DKK4: variants seen among roughly 807,000 people sequenced by gnomAD.
The protein encoded by DKK4 is dickkopf Wnt signaling pathway inhibitor 4, also known as dickkopf-related protein 4.
DKK4 carries 15 observed loss-of-function variants against 14.5 expected under a neutral mutation model. That is an observed-to-expected ratio of 1.03 (90% confidence interval 0.69 to 1.59). The LOEUF (loss-of-function observed/expected upper bound fraction) is 1.59, where lower values mean the gene tolerates loss of function less well. Among genes scored for constraint, DKK4 ranks in the 40% most tolerant of loss-of-function variants. DKK4 has a pLI of 0.00. For synonymous variants in DKK4, 89 were observed against 105.2 expected (o/e 0.85, Z 0.94); for missense variants, 272 against 280.3 (o/e 0.97, Z 0.21).
chr8:42,387,812 T>C, the DKK4 span, among the ~76,000 whole-genome samples: 1 of 152,216 alleles, frequency 6.6e-6, no homozygotes, highest in African/African-American at 2.4e-5. Context: ...CAGGTCTTTC[T>C]GGATTACCTG....
rs759892704 is a variant in DKK4, at chr8:42,377,047, C to T, written c.-2G>A. The T allele has an allele frequency of 6.2e-7, 1 of 1,612,070 alleles. No individual in the cohort carries two copies. The highest frequency in any genetic ancestry group is 1.1e-5 in the South Asian group (1 of 91,024). On this transcript the variant is annotated 5_prime_UTR_variant, in exon 1 of 4. Coordinates refer to ENST00000220812, the MANE Select transcript of DKK4 (RefSeq NM_014420.3). Reference sequence around the variant, plus strand: ...CCCCAGCAGGACGGCCGCCACCATCCTTCAATCCCGGGGCTCCTGGAGGGT... The same window carrying T: ...CCCCAGCAGGACGGCCGCCACCATCTTTCAATCCCGGGGCTCCTGGAGGGT...
chr8:42,390,164 G>C, the DKK4 span, among the ~76,000 whole-genome samples: 1 of 152,018 alleles, frequency 6.6e-6, no homozygotes, highest in Non-Finnish European at 1.5e-5. Flanking sequence ...AAAGTGCTAG[G>C]ATTACAGGCG....
chr8:42,390,864 G>A, the DKK4 span, among the ~76,000 whole-genome samples: 1 of 152,064 alleles, frequency 6.6e-6, no homozygotes, highest in Admixed American at 6.6e-5. Flanking sequence ...ACCATCCCCC[G>A]TTTGATCAGT....
At chr8:42,383,616 A>C in the DKK4 span, among the ~76,000 whole-genome samples, 2 of 152,336 alleles carry the variant, frequency 1.3e-5, no homozygotes, top group South Asian at 4.1e-4. Context: ...CTCCTTCCTC[A>C]AAGATAGGCT....
chr8:42,381,975 C>T (rs1427785111), upstream of DKK4, among the ~76,000 whole-genome samples: 5 of 152,026 alleles, frequency 3.3e-5, no homozygotes, highest in South Asian at 2.1e-4. Flanking sequence ...CCAGCCTGGG[C>T]GACAGAGCAA....
At chr8:42,381,715 G>A (rs1169667736), upstream of DKK4, among the ~76,000 whole-genome samples, 1 of 152,130 alleles carries the variant, frequency 6.6e-6, no homozygotes, top group East Asian at 1.9e-4. Context: ...CCATGAGCTC[G>A]AGCCAGGCGC....
At chr8:42,388,388 C>T in the DKK4 span, among the ~76,000 whole-genome samples, 1 of 151,890 alleles carries the variant, frequency 6.6e-6, no homozygotes, top group Non-Finnish European at 1.5e-5. Context: ...TGCCACCATG[C>T]TCGGCTAATT....
intron 3 of DKK4, 42 bp from the exon 4 acceptor site, chr8:42,374,401 A>G: frequency 6.2e-7 from 1 of 1,608,082 alleles, no homozygotes; most frequent in African/African-American, 1.3e-5. Context: ...AAATAAGGAA[A>G]GTGGCCTGCT....
At chr8:42,376,860 G>T in intron 1 of DKK4, 75 bp downstream of exon 1, 1 of 1,204,822 alleles carries the variant, frequency 8.3e-7, no homozygotes, top group Non-Finnish European at 1.2e-6. Flanking sequence ...GAATCAGAAT[G>T]ACTTACTAAA....
the DKK4 span, among the ~76,000 whole-genome samples, chr8:42,387,344 C>CTTTTTTTTTT: frequency 4.5e-5 from 2 of 44,886 alleles, 1 homozygote; most frequent in Non-Finnish European, 8.7e-5. Context: ...GAAGGCCAGT[C>CTTTTTTTTTT]TTTTTTTTTT....
chr8:42,385,645 G>A, the DKK4 span, among the ~76,000 whole-genome samples: 1 of 151,908 alleles, frequency 6.6e-6, no homozygotes, highest in Non-Finnish European at 1.5e-5. Context: ...CAAAGAGTGA[G>A]GTGCACATTC....
Position 42,374,748 on chromosome 8 carries a change from A to G in DKK4, c.415+13T>C. 6.2e-7 allele frequency: 1 copy of G among 1,614,086 alleles called. No homozygotes were observed. Among genetic ancestry groups the G allele is most frequent in the Non-Finnish European group, 8.5e-7 (1 of 1,179,976 alleles). On this transcript the variant is annotated intron_variant, in intron 3 of 3. Transcript: ENST00000220812. ...ATTTCTGAAATAAAATATGCTGCGA[A>G]TGCTGTTCTTACCCTTCCTGCCTTG...
At chr8:42,390,341 G>A in the DKK4 span, among the ~76,000 whole-genome samples, 1 of 146,450 alleles carries the variant, frequency 6.8e-6, no homozygotes, top group Non-Finnish European at 1.5e-5. Flanking sequence ...TGCTTTTAGT[G>A]CCATATCTTT....
chr8:42,376,866 C>T, intron 1 of DKK4, 69 bp downstream of exon 1: 1 of 1,288,422 alleles, frequency 7.8e-7, no homozygotes, highest in Non-Finnish European at 1.1e-6. Context: ...GAATGACTTA[C>T]TAAAGCCTAA....
chr8:42,375,872 A>G (rs1274044496), intron 1 of DKK4, 42 bp from the exon 2 acceptor site: 1 of 1,604,812 alleles, frequency 6.2e-7, no homozygotes, highest in Admixed American at 1.7e-5. Flanking sequence ...GAAACCCCCA[A>G]CACGATGGAA....
At chr8:42,390,167 T>A in the DKK4 span, among the ~76,000 whole-genome samples, 1 of 152,046 alleles carries the variant, frequency 6.6e-6, no homozygotes, top group South Asian at 2.1e-4. Flanking sequence ...GTGCTAGGAT[T>A]ACAGGCGTGA....
the DKK4 span, among the ~76,000 whole-genome samples, chr8:42,382,298 A>G: frequency 6.6e-6 from 1 of 152,234 alleles, no homozygotes. Context: ...TTGCCTGCAC[A>G]GTGTCCCTCA....
chr8:42,375,925 A>G, intron 1 of DKK4, 95 bp from the exon 2 acceptor site: 1 of 1,476,296 alleles, frequency 6.8e-7, no homozygotes, highest in East Asian at 2.4e-5. Flanking sequence ...GAGCCAAAGG[A>G]CAGTGGCGCT....
At position 42,377,090 on chromosome 8, in the gene DKK4, C is replaced by T. The variant is rs1160448013; in HGVS notation, c.-45G>A. 5 of 1,543,008 alleles carry T rather than the reference C, an allele frequency of 3.2e-6. No homozygotes were observed. Among genetic ancestry groups the T allele is most frequent in the Non-Finnish European group, 4.4e-6 (5 of 1,126,838 alleles). On this transcript the variant is annotated 5_prime_UTR_variant, in exon 1 of 4. It adds an upstream start codon to the 5' untranslated region. Coordinates refer to ENST00000220812, the MANE Select transcript of DKK4 (RefSeq NM_014420.3). ...TGGAGGGTCCCAGCACTGTGCGTCA[C>T]CAAAGCGAGGCTGCTCTCCACCCAG...
Sources: gnomAD v4.1 joint callset for allele counts (sites outside exome capture counted in the v4.1 genomes callset) on GRCh38, gnomAD v4.1.1 for gene constraint, MANE v1.5 for transcripts, NCBI Gene and HGNC (gene_info 2026-07-23, HGNC 2026-07-21) for gene names.